The following EFCC1 variants were observed in gnomAD, a reference collection of about 807,000 sequenced individuals.
EFCC1 encodes the protein EF-hand and coiled-coil domain containing 1.
EFCC1 carries 50 observed loss-of-function variants against 52.1 expected under a neutral mutation model. The ratio of observed to expected loss-of-function variants is 0.96; its 90% CI spans 0.76 to 1.21. The LOEUF is 1.21. Among genes scored for constraint, EFCC1 ranks in the 50% most tolerant of loss-of-function variants. The pLI is 0.00. For missense variants in EFCC1, 837 were observed against 867.3 expected (o/e 0.97, Z 0.44); for synonymous variants, 399 against 396.5 (o/e 1.01, Z -0.08).
chr3:129,017,540 G>A (rs769258912), intron 2 of EFCC1, among the ~76,000 whole-genome samples: 13 of 152,226 alleles, frequency 8.5e-5, no homozygotes, highest in Non-Finnish European at 1.8e-4. Context: ...CCTTTTGGCC[G>A]TGGGACCGAG....
At chr3:129,019,859 C>G (rs1945757038) in intron 2 of EFCC1, among the ~76,000 whole-genome samples, 1 of 150,472 alleles carries the variant, frequency 6.6e-6, no homozygotes, top group Non-Finnish European at 1.5e-5. Context: ...ACCTCCACCT[C>G]CCAGATTCAA....
intron 2 of EFCC1, among the ~76,000 whole-genome samples, chr3:129,007,273 G>A (rs1237155771): frequency 6.6e-6 from 1 of 152,210 alleles, no homozygotes; most frequent in Admixed American, 6.5e-5. Flanking sequence ...AAGCTCAGAT[G>A]TCCGTGACTA....
intron 3 of EFCC1, among the ~76,000 whole-genome samples, chr3:129,031,719 TCTACA>T: frequency 6.6e-6 from 1 of 152,306 alleles, no homozygotes; most frequent in East Asian, 1.9e-4. Context: ...CCTGCGTTGC[TCTACA>T]GTGATTCACT....
At chr3:129,004,685 C>G (rs1176548941) in intron 2 of EFCC1, among the ~76,000 whole-genome samples, 1 of 152,056 alleles carries the variant, frequency 6.6e-6, no homozygotes, top group Non-Finnish European at 1.5e-5. Context: ...ACTAAGCACT[C>G]GCTGTTTGCC....
At chr3:129,034,387 A>C (rs1946329847) in intron 5 of EFCC1, 58 bp downstream of exon 5, 1 of 1,564,776 alleles carries the variant, frequency 6.4e-7, no homozygotes, top group African/African-American at 1.4e-5. Flanking sequence ...CACAGCTGGA[A>C]GGGTCTGAGG....
intron 2 of EFCC1, among the ~76,000 whole-genome samples, chr3:129,012,851 C>T (rs1255648927): frequency 6.6e-6 from 1 of 152,180 alleles, no homozygotes; most frequent in African/African-American, 2.4e-5. Flanking sequence ...CAGCACCAGG[C>T]ACAGAGAAGG....
At chr3:129,024,223 G>T (rs954929005) in intron 2 of EFCC1, among the ~76,000 whole-genome samples, 1 of 152,080 alleles carries the variant, frequency 6.6e-6, no homozygotes, top group Non-Finnish European at 1.5e-5. Flanking sequence ...CACAGACTGG[G>T]TAATTTATAA....
intron 2 of EFCC1, among the ~76,000 whole-genome samples, chr3:129,022,808 G>A (rs772738854): frequency 7.9e-5 from 12 of 152,202 alleles, no homozygotes; most frequent in African/African-American, 2.4e-4. Context: ...CATGGCTCCC[G>A]AAAGACAGTG....
In EFCC1 at chr3:129,001,802, C is replaced by T. The variant is rs902020584; in HGVS notation, c.174C>T (p.Tyr58=). 4.5e-6 allele frequency: 7 copies of T among 1,545,156 alleles called. No individual in the cohort carries two copies. In the East Asian group the frequency reaches 9.8e-5, roughly 22 times the overall value. The change falls in exon 1 of 8, where the codon TAC becomes TAT. Residue 58 remains tyrosine, a synonymous_variant. Coordinates refer to ENST00000683648, the MANE Select transcript of EFCC1 (RefSeq NM_001377500.1). ...TGCTGGCCACCGGCCTGGACCAGTA[C>T]CTGCAGGAGGTCTTCCACCACCTGG... is the stretch of plus-strand genomic sequence containing the variant. ...IVVLATGLDQ[Y]LQEVFHHLDC...
At chr3:129,020,853 C>G (rs1161084408) in intron 2 of EFCC1, among the ~76,000 whole-genome samples, 2 of 152,190 alleles carry the variant, frequency 1.3e-5, no homozygotes, top group Non-Finnish European at 2.9e-5. Context: ...CACCACCCTT[C>G]TGAAGGCTGG....
intron 2 of EFCC1, among the ~76,000 whole-genome samples, chr3:129,026,762 G>C (rs1454169744): frequency 6.6e-6 from 1 of 152,152 alleles, no homozygotes. Flanking sequence ...TCCCCAGTGA[G>C]ATCTCAACTA....
In EFCC1 at chr3:129,003,960, C is replaced by T. The variant is rs1478660945; in HGVS notation, c.863C>T (p.Ala288Val). Residue 288 changes from alanine (A) to valine (V), a missense_variant, in exon 2 of 8, where the codon GCC becomes GTC. Physicochemically the swap from Ala to Val is moderately conservative, Grantham distance 64. Transcript: ENST00000683648. The stretch of plus-strand genomic sequence containing the variant: ...GAGGTGCGGCGGCGCGCGGAGGAGG[C>T]CCGGCAGGTGGTGCTGCGCAGCCTG... ...QAEVRRRAEE[A>V]RQVVLRSLHR... The T allele has an allele frequency of 3.5e-6, 5 of 1,443,612 alleles. No homozygotes were observed. Among genetic ancestry groups the T allele is most frequent in the Non-Finnish European group, 4.5e-6 (5 of 1,104,002 alleles). The allele number at this position is 1,443,612 out of a possible 1,614,324, so 89.4% of individuals were successfully genotyped here.
At chr3:129,008,142 C>T (rs965739795) in intron 2 of EFCC1, among the ~76,000 whole-genome samples, 8 of 152,242 alleles carry the variant, frequency 5.3e-5, no homozygotes, top group Non-Finnish European at 8.8e-5. Context: ...TGATACTTAG[C>T]GTGGAGTTTC....
chr3:129,039,025 A>G, intron 7 of EFCC1, 125 bp downstream of exon 7: 1 of 879,918 alleles, frequency 1.1e-6, no homozygotes. Context: ...CCTGCCCTGC[A>G]TGCTTTAGAA....
intron 2 of EFCC1, among the ~76,000 whole-genome samples, chr3:129,029,506 C>T (rs1015978105): frequency 7.2e-5 from 11 of 151,980 alleles, no homozygotes; most frequent in South Asian, 2.1e-4. Context: ...GAGGCCAAGG[C>T]GCTGGAGGAT....
chr3:129,001,502 CG>C lies in EFCC1; in HGVS notation c.-125del, dbSNP rs1944743755. The C allele has an allele frequency of 7.7e-7, 1 of 1,299,458 alleles. No homozygotes were observed. Among genetic ancestry groups the C allele is most frequent in the Admixed American group, 4.1e-5 (1 of 24,618 alleles). 80.5% of individuals were successfully genotyped at this position (1,299,458 alleles called of 1,614,324 possible). A position where few individuals can be genotyped will look rare whatever the true frequency, so the allele number is the denominator to read the frequency against. ...CAGCGCAGCTGCTGGACACGGTCCC[CG>C]GCGCCGCTCCAACCAGACCGCGACC... On this transcript the variant is annotated 5_prime_UTR_variant, in exon 1 of 8. Transcript: ENST00000683648.
At chr3:129,029,289 C>T (rs1946218842) in intron 2 of EFCC1, among the ~76,000 whole-genome samples, 1 of 152,156 alleles carries the variant, frequency 6.6e-6, no homozygotes, top group Non-Finnish European at 1.5e-5. Flanking sequence ...TCTCCCCTAT[C>T]TTGTAACTGC....
rs1272942125 is a variant in EFCC1 at position 129,001,562 on chromosome 3, G to A, written c.-67G>A. ...CCTCCTTTCGAGAAACTCTGGGGCCGCCCCTGGAAGTGGCGGGGCGAAGGG... is the reference window on the plus strand; with the variant it reads ...CCTCCTTTCGAGAAACTCTGGGGCCACCCCTGGAAGTGGCGGGGCGAAGGG... On this transcript the variant is annotated 5_prime_UTR_variant, in exon 1 of 8. Transcript: ENST00000683648. The A allele has an allele frequency of 2.3e-5, 31 of 1,346,832 alleles. No individual in the cohort carries two copies. The highest frequency in any genetic ancestry group is 2.7e-4 in the Middle Eastern group (1 of 3,638). 83.4% of individuals were successfully genotyped at this position (1,346,832 alleles called of 1,614,324 possible). A position where few individuals can be genotyped will look rare whatever the true frequency, so the allele number is the denominator to read the frequency against.
intron 2 of EFCC1, among the ~76,000 whole-genome samples, chr3:129,026,468 T>TA (rs912277658): frequency 1.3e-5 from 2 of 152,198 alleles, no homozygotes; most frequent in African/African-American, 4.8e-5. Context: ...CCTGCTGACA[T>TA]ACCTCCTCTG....
Sources: allele counts gnomAD v4.1 joint callset (sites outside exome capture counted in the v4.1 genomes callset), GRCh38; gene constraint gnomAD v4.1.1; transcripts MANE v1.5; gene names NCBI Gene and HGNC (gene_info 2026-07-23, HGNC 2026-07-21).